The following UNC80 variants were observed in gnomAD, a reference collection of about 807,000 sequenced individuals.
The protein encoded by UNC80 is protein unc-80 homolog.
Under a neutral mutation model 384.6 loss-of-function variants are expected in UNC80, and 164 were observed. The observed-to-expected ratio is 0.43, with a 90% CI of 0.38 to 0.49. The LOEUF (loss-of-function observed/expected upper bound fraction) is 0.49, where lower values mean the gene tolerates loss of function less well. Among genes scored for constraint, UNC80 ranks in the 20% least tolerant of loss-of-function variants. The probability of loss-of-function intolerance (pLI) is 0.00; values close to 1 mark genes in which losing one functional copy is unlikely to be tolerated. For missense variants in UNC80, 3,330 were observed against 4,143.0 expected, an observed-to-expected ratio of 0.80 and a Z score of 5.39; for synonymous variants, 1,486 against 1,527.8, an observed-to-expected ratio of 0.97 and a Z score of 0.64.
chr2:209,817,383 A>G (rs867581900), intron 10 of UNC80, among the ~76,000 whole-genome samples: 1 of 152,268 alleles, frequency 6.6e-6, no homozygotes, highest in Middle Eastern at 3.4e-3. Context: ...AGACAAAGAA[A>G]CATGGCCTTA....
At chr2:209,956,895 C>T (rs541403124) in intron 48 of UNC80, among the ~76,000 whole-genome samples, 5 of 152,198 alleles carry the variant, frequency 3.3e-5, no homozygotes, top group East Asian at 1.9e-4. Context: ...CTGGTGTGAT[C>T]GTTAAAAGCT....
At chr2:209,900,700 C>A (rs1007416855) in intron 28 of UNC80, among the ~76,000 whole-genome samples, 1 of 152,190 alleles carries the variant, frequency 6.6e-6, no homozygotes, top group Non-Finnish European at 1.5e-5. Context: ...CCAAGATGCA[C>A]TGAAAGTTAG....
At chr2:209,826,074 TC>T (rs1367534988) in intron 14 of UNC80, 21 bp downstream of exon 14, 11 of 1,540,394 alleles carry the variant, frequency 7.1e-6, no homozygotes, top group Non-Finnish European at 9.6e-6. Context: ...TAAAGTAGAT[TC>T]CATTTCCTCT....
intron 64 of UNC80, 137 bp downstream of exon 64, chr2:209,994,401 C>A: frequency 1.4e-6 from 1 of 735,220 alleles, no homozygotes. Context: ...ACTGCTCCTG[C>A]CATCATGAAA....
chr2:209,912,619 T>A lies in UNC80; in HGVS notation c.4842T>A (p.Asn1614Lys). The A allele has an allele frequency of 6.4e-7, 1 of 1,551,442 alleles. No individual in the cohort carries two copies. Residue 1614 changes from asparagine (N) to lysine (K), a missense_variant, in exon 30 of 65, where the codon AAT (asparagine) becomes AAA (lysine). Coordinates refer to ENST00000673920, the MANE Select transcript of UNC80 (RefSeq NM_001371986.1). Reference protein sequence around the residue: ...PSLKKRVSDANLEGKKDSGML... With the variant: ...PSLKKRVSDAKLEGKKDSGML... ...TAAAGAAGAGAGTTTCAGATGCCAA[T>A]CTGGAAGGAAAAAAAGATTCCGGAA...
At chr2:209,819,931 TGAAAGACAG>T (rs1449326093) in intron 12 of UNC80, among the ~76,000 whole-genome samples, 12 of 152,176 alleles carry the variant, frequency 7.9e-5, no homozygotes, top group Admixed American at 2.0e-4. Flanking sequence ...TAGTAATGAA[TGAAAGACAG>T]GAGATTAAAA....
chr2:209,931,887 C>T (rs2090906038), intron 38 of UNC80, among the ~76,000 whole-genome samples: 1 of 152,126 alleles, frequency 6.6e-6, no homozygotes, highest in African/African-American at 2.4e-5. Context: ...ATAAACAGTA[C>T]ATTTTGGTGG....
intron 43 of UNC80, among the ~76,000 whole-genome samples, chr2:209,940,402 T>C (rs2091547687): frequency 6.6e-6 from 1 of 152,186 alleles, no homozygotes; most frequent in South Asian, 2.1e-4. Flanking sequence ...AATACCTCAA[T>C]TGAGAGAAAG....
At chr2:209,932,964 G>C (rs976246367) in intron 38 of UNC80, among the ~76,000 whole-genome samples, 1 of 151,986 alleles carries the variant, frequency 6.6e-6, no homozygotes, top group Admixed American at 6.6e-5. Context: ...TTAGGTTTGC[G>C]ACACTGATTC....
chr2:209,971,485 G>A lies in UNC80; in HGVS notation c.8256+528G>A, dbSNP rs562331816. ...AAGGCAAAAAAAAAAAAAAAAAATT[G>A]CAGAATCCCGTCTCCTGAGTATTTC... On this transcript the variant is annotated intron_variant, in intron 54 of 64. Coordinates refer to ENST00000673920, the MANE Select transcript of UNC80 (RefSeq NM_001371986.1). 2.6e-3 allele frequency among the ~76,000 whole-genome samples: 294 copies of A among 115,088 alleles called. 1 individual carries two copies. Among genetic ancestry groups the A allele is most frequent in the African/African-American group, 9.4e-3 (275 of 29,190 alleles). 75.5% of individuals were successfully genotyped at this position (115,088 alleles called of 152,430 possible).
At position 209,789,697 on chromosome 2, in the gene UNC80, A is replaced by G. The variant is rs201802483; in HGVS notation, c.798+92A>G. The G allele has an allele frequency of 2.2e-5, 20 of 894,514 alleles. No homozygotes were observed. The East Asian group carries it at 4.8e-4, about 21-fold the overall frequency. The allele number at this position is 894,514 out of a possible 1,614,324, so 55.4% of individuals were successfully genotyped here. On this transcript the variant is annotated intron_variant, in intron 6 of 64. Coordinates refer to ENST00000673920, the MANE Select transcript of UNC80 (RefSeq NM_001371986.1). ...GAAAGACATGAGTTCTAGAATCACT[A>G]CCAGGCTCAAAGCCACTCCTCCTTT...
intron 24 of UNC80, 129 bp downstream of exon 24, chr2:209,878,218 CT>C (rs2084951142): frequency 1.0e-6 from 1 of 993,412 alleles, no homozygotes; most frequent in Non-Finnish European, 1.4e-6. Flanking sequence ...TCCTTCTCCC[CT>C]TTTCCCTGTG....
At position 209,904,845 on chromosome 2, in the gene UNC80, C is replaced by A; in HGVS notation, c.4662C>A (p.His1554Gln). The A allele has an allele frequency of 6.4e-7, 1 of 1,551,986 alleles. No individual in the cohort carries two copies. The highest frequency in any genetic ancestry group is 8.7e-7 in the Non-Finnish European group (1 of 1,147,052). Residue 1554 changes from histidine to glutamine, a missense_variant, in exon 29 of 65, where the codon CAC becomes CAA. His to Gln is a conservative substitution (Grantham distance 24, BLOSUM62 0). Transcript: ENST00000673920. ...GCCATCCCCACTGCTACCTGCACCA[C>A]AGCCGCTCCTGTGCCCGACTGGTCA... ...DYCHPHCYLH[H>Q]SRSCARLVRA...
chr2:209,867,703 C>T (rs10168599), intron 22 of UNC80, among the ~76,000 whole-genome samples: 5 of 152,038 alleles, frequency 3.3e-5, no homozygotes, highest in Admixed American at 6.6e-5. Context: ...GAAACCCATC[C>T]GGTCTCTCTA....
At chr2:209,871,034 A>G (rs2084248123) in intron 22 of UNC80, among the ~76,000 whole-genome samples, 1 of 152,188 alleles carries the variant, frequency 6.6e-6, no homozygotes, top group Non-Finnish European at 1.5e-5. Flanking sequence ...AAAGGAGATG[A>G]CCCAAATCAC....
intron 23 of UNC80, among the ~76,000 whole-genome samples, chr2:209,873,382 A>G (rs1006507166): frequency 2.6e-5 from 4 of 152,124 alleles, no homozygotes; most frequent in East Asian, 1.9e-4. Context: ...ATTCTAATTT[A>G]TATTTTGTAA....
At chr2:209,879,361 A>C (rs1479819014) in intron 24 of UNC80, among the ~76,000 whole-genome samples, 1 of 152,200 alleles carries the variant, frequency 6.6e-6, no homozygotes, top group Non-Finnish European at 1.5e-5. Context: ...CTCCTAGGCC[A>C]AAACAACTTG....
intron 58 of UNC80, among the ~76,000 whole-genome samples, chr2:209,977,568 C>T (rs1005420036): frequency 3.3e-5 from 5 of 152,096 alleles, no homozygotes; most frequent in Admixed American, 6.5e-5. Context: ...AAATAATTTA[C>T]AAGTAAATAA....
At chr2:209,947,382 A>T (rs2091961387) in intron 47 of UNC80, among the ~76,000 whole-genome samples, 1 of 152,250 alleles carries the variant, frequency 6.6e-6, no homozygotes, top group Admixed American at 6.5e-5. Context: ...TTGACTAAAA[A>T]GTTCTCCCAT....
Sources: allele counts gnomAD v4.1 joint callset (sites outside exome capture counted in the v4.1 genomes callset), GRCh38; gene constraint gnomAD v4.1.1; transcripts MANE v1.5; gene names NCBI Gene and HGNC (gene_info 2026-07-23, HGNC 2026-07-21).